The following RSU1 variants were observed in gnomAD, a reference collection of about 807,000 sequenced individuals.
RSU1 encodes the protein rsu-1.
A neutral mutation model predicts 31.1 loss-of-function variants in RSU1; 26 were observed. That is an observed-to-expected ratio of 0.84 (90% confidence interval 0.61 to 1.16). The LOEUF (loss-of-function observed/expected upper bound fraction) is 1.16. Among genes scored for constraint, RSU1 ranks in the 50% most tolerant of loss-of-function variants. RSU1 has a pLI of 0.00. For missense variants in RSU1, 320 were observed against 339.1 expected (o/e 0.94, Z 0.44); for synonymous variants, 164 against 136.3 (o/e 1.20, Z -1.41).
chr10:16,633,540 G>T (rs971340482), intron 8 of RSU1, among the ~76,000 whole-genome samples: 2 of 152,134 alleles, frequency 1.3e-5, no homozygotes, highest in Admixed American at 1.3e-4. Context: ...ATTCAGCACT[G>T]GTGTGGTGAG....
chr10:16,671,551 C>T (rs530731964), intron 8 of RSU1, among the ~76,000 whole-genome samples: 15 of 152,136 alleles, frequency 9.9e-5, no homozygotes, highest in African/African-American at 3.6e-4. Context: ...TGGGCTCAAG[C>T]GATCCTCCCA....
chr10:16,766,648 G>C (rs1441947738), intron 3 of RSU1, among the ~76,000 whole-genome samples: 1 of 151,712 alleles, frequency 6.6e-6, no homozygotes. Context: ...CTGGGAGGCA[G>C]AGGTTGCAGT....
chr10:16,593,259 C>T lies in RSU1; in HGVS notation c.*135G>A, dbSNP rs1833542055. ...AGAATCTAAAAGGTAAGGTGGGAAG[C>T]ATTAGAAAGAGAGTGAAAAGAAAAA... is the stretch of plus-strand genomic sequence containing the variant. On this transcript the variant is annotated 3_prime_UTR_variant, in exon 9 of 9. Transcript: ENST00000345264. The T allele has an allele frequency of 1.4e-6, 2 of 1,451,398 alleles. No homozygotes were observed. Among genetic ancestry groups the T allele is most frequent in the Non-Finnish European group, 9.1e-7 (1 of 1,094,026 alleles). 89.9% of individuals were successfully genotyped at this position (1,451,398 alleles called of 1,614,324 possible). A position where few individuals can be genotyped will look rare whatever the true frequency, so the allele number is the denominator to read the frequency against.
At chr10:16,702,012 G>A (rs1380362780) in intron 7 of RSU1, among the ~76,000 whole-genome samples, 3 of 152,184 alleles carry the variant, frequency 2.0e-5, no homozygotes, top group Non-Finnish European at 2.9e-5. Flanking sequence ...AGGCAATCTT[G>A]TTTTTCCTTG....
intron 2 of RSU1, among the ~76,000 whole-genome samples, chr10:16,799,336 C>G (rs572767407): frequency 3.4e-4 from 51 of 152,232 alleles, no homozygotes; most frequent in African/African-American, 1.2e-3. Flanking sequence ...CATTAGAAAA[C>G]TCAGGTCACA....
At chr10:16,789,345 C>A (rs930090037) in intron 2 of RSU1, among the ~76,000 whole-genome samples, 1 of 152,042 alleles carries the variant, frequency 6.6e-6, no homozygotes, top group African/African-American at 2.4e-5. Flanking sequence ...AAAACAAGAG[C>A]AGAAAAGAAA....
At chr10:16,805,660 C>A (rs1196147517) in intron 2 of RSU1, among the ~76,000 whole-genome samples, 1 of 139,850 alleles carries the variant, frequency 7.2e-6, no homozygotes, top group Non-Finnish European at 1.5e-5. Context: ...GAGCGAGACT[C>A]CGTCTCAAAA....
At chr10:16,666,038 C>G (rs1813242426) in intron 8 of RSU1, among the ~76,000 whole-genome samples, 1 of 152,164 alleles carries the variant, frequency 6.6e-6, no homozygotes, top group Non-Finnish European at 1.5e-5. Flanking sequence ...ATGAATATCA[C>G]TATTTTTGAC....
chr10:16,749,198 C>A (rs905738690), intron 7 of RSU1, among the ~76,000 whole-genome samples: 27 of 152,172 alleles, frequency 1.8e-4, no homozygotes, highest in Non-Finnish European at 1.9e-4. Context: ...TACTTAAGAA[C>A]CAGACATAAC....
chr10:16,674,041 C>T (rs1182692444), intron 8 of RSU1, among the ~76,000 whole-genome samples: 1 of 152,152 alleles, frequency 6.6e-6, no homozygotes, highest in Non-Finnish European at 1.5e-5. Context: ...TATCTAGGTC[C>T]TACACACAGA....
intron 8 of RSU1, among the ~76,000 whole-genome samples, chr10:16,620,673 G>A (rs1426297732): frequency 2.0e-5 from 3 of 151,792 alleles, no homozygotes; most frequent in Admixed American, 2.0e-4. Flanking sequence ...GTGAAACCCC[G>A]TCTCTACTAA....
At chr10:16,737,758 A>G (rs201552978) in intron 7 of RSU1, among the ~76,000 whole-genome samples, 1 of 60,720 alleles carries the variant, frequency 1.6e-5, no homozygotes, top group African/African-American at 2.7e-4. Context: ...TAACTTAAGG[A>G]AAAAAAAAAA....
At chr10:16,663,191 A>C (rs1158182437) in intron 8 of RSU1, among the ~76,000 whole-genome samples, 2 of 152,118 alleles carry the variant, frequency 1.3e-5, no homozygotes, top group Non-Finnish European at 2.9e-5. Flanking sequence ...GATCGTTCTG[A>C]AAAATTTTTT....
chr10:16,604,504 C>T (rs191178772), intron 8 of RSU1, among the ~76,000 whole-genome samples: 6 of 152,262 alleles, frequency 3.9e-5, no homozygotes, highest in Non-Finnish European at 7.4e-5. Flanking sequence ...CACACCTGCA[C>T]GGTCCAGCTT....
intron 2 of RSU1, among the ~76,000 whole-genome samples, chr10:16,804,890 G>C (rs1452939609): frequency 6.6e-6 from 1 of 152,142 alleles, no homozygotes. Flanking sequence ...TGTTCCATGT[G>C]ATACTGTAAC....
chr10:16,750,865 T>G (rs200474310), intron 7 of RSU1, among the ~76,000 whole-genome samples: 1 of 103,186 alleles, frequency 9.7e-6, no homozygotes, highest in African/African-American at 5.4e-5. Context: ...AGATCTCTCT[T>G]TTTTTTTTTT....
At chr10:16,725,498 G>A (rs891111486) in intron 7 of RSU1, among the ~76,000 whole-genome samples, 1 of 151,962 alleles carries the variant, frequency 6.6e-6, no homozygotes, top group African/African-American at 2.4e-5. Flanking sequence ...AAAGCATCTT[G>A]AGCGGGGGGC....
intron 7 of RSU1, among the ~76,000 whole-genome samples, chr10:16,696,541 A>T (rs562831031): frequency 4.6e-5 from 7 of 152,202 alleles, no homozygotes; most frequent in Non-Finnish European, 1.0e-4. Context: ...CACACTACTA[A>T]ATATCAAGAG....
At chr10:16,738,293 T>A (rs12098414) in intron 7 of RSU1, among the ~76,000 whole-genome samples, 3,099 of 150,572 alleles carry the variant, frequency 0.021, 97 homozygotes, top group African/African-American at 0.071. Flanking sequence ...AAAAAAAAAA[T>A]ACAAAAAATT....
Sources: allele counts gnomAD v4.1 joint callset (sites outside exome capture counted in the v4.1 genomes callset), GRCh38; gene constraint gnomAD v4.1.1; transcripts MANE v1.5; gene names NCBI Gene and HGNC (gene_info 2026-07-23, HGNC 2026-07-21).